Variants in PRKG1 observed in about 807,000 individuals in gnomAD.
PRKG1 encodes cGMP-dependent protein kinase 1.
PRKG1 carries 35 observed loss-of-function variants against 88.1 expected under a neutral mutation model. The observed-to-expected ratio is 0.40, with a 90% confidence interval of 0.30 to 0.53. The LOEUF (loss-of-function observed/expected upper bound fraction) is 0.53. PRKG1 is among the 20% of genes least tolerant of loss of function. The probability of loss-of-function intolerance (pLI) is 0.59; values close to 1 mark genes in which losing one functional copy is unlikely to be tolerated. For synonymous variants in PRKG1, 303 were observed against 292.5 expected, an observed-to-expected ratio of 1.04 and a Z score of -0.37; for missense variants, 540 against 839.8, an observed-to-expected ratio of 0.64 and a Z score of 4.41.
rs138104352 is a variant in PRKG1, at chr10:51,239,298, G to A, written c.478+85968G>A. Among the ~76,000 whole-genome samples the A allele has an allele frequency of 3.9e-4, 59 of 152,210 alleles. 1 individual carries two copies. In the East Asian group the frequency reaches 0.01, roughly 26 times the overall value. On this transcript the variant is annotated intron_variant, in intron 2 of 17. Coordinates refer to ENST00000373980, the MANE Select transcript of PRKG1 (RefSeq NM_006258.4). Reference sequence around the variant, plus strand: ...AATGCAGGAAAAGGCCAGATTTCACGATATTATTTTTTCTAAGAAAGTAAA... The same window carrying A: ...AATGCAGGAAAAGGCCAGATTTCACAATATTATTTTTTCTAAGAAAGTAAA...
intron 3 of PRKG1, among the ~76,000 whole-genome samples, chr10:51,561,866 T>C (rs964662347): frequency 4.6e-5 from 7 of 151,796 alleles, no homozygotes; most frequent in Non-Finnish European, 7.4e-5. Context: ...TTTTGCAAAT[T>C]AGGTTTTTTT....
intron 2 of PRKG1, among the ~76,000 whole-genome samples, chr10:51,404,816 C>T (rs1837860330): frequency 6.6e-6 from 1 of 152,308 alleles, no homozygotes; most frequent in Non-Finnish European, 1.5e-5. Context: ...ATCTCTCCTG[C>T]CCTTTCATTC....
intron 3 of PRKG1, among the ~76,000 whole-genome samples, chr10:51,709,057 T>A (rs1440631241): frequency 6.6e-6 from 1 of 152,222 alleles, no homozygotes; most frequent in Non-Finnish European, 1.5e-5. Flanking sequence ...AGAAAGTTTG[T>A]CCACAACCTT....
At chr10:51,238,047 A>G (rs1839043962) in intron 2 of PRKG1, among the ~76,000 whole-genome samples, 1 of 152,236 alleles carries the variant, frequency 6.6e-6, no homozygotes, top group Admixed American at 6.5e-5. Flanking sequence ...GTAGACAATT[A>G]CATATTCTTC....
intron 2 of PRKG1, among the ~76,000 whole-genome samples, chr10:51,241,621 A>G (rs1314592532): frequency 2.0e-5 from 3 of 152,290 alleles, no homozygotes; most frequent in Middle Eastern, 3.4e-3. Context: ...ACCCAAACCT[A>G]TAAAGTGACA....
chr10:52,185,931 C>T (rs1006489611), intron 9 of PRKG1, among the ~76,000 whole-genome samples: 1 of 152,144 alleles, frequency 6.6e-6, no homozygotes, highest in African/African-American at 2.4e-5. Flanking sequence ...GGGGCTGGCC[C>T]CTGAAACTAT....
At chr10:51,066,391 G>A (rs559263106) in intron 1 of PRKG1, among the ~76,000 whole-genome samples, 1 of 152,212 alleles carries the variant, frequency 6.6e-6, no homozygotes, top group Non-Finnish European at 1.5e-5. Flanking sequence ...ATTGGCTGTG[G>A]CCACAGGCTG....
At chr10:51,852,056 GA>G (rs775527421) in intron 4 of PRKG1, among the ~76,000 whole-genome samples, 3 of 151,042 alleles carry the variant, frequency 2.0e-5, no homozygotes, top group African/African-American at 7.3e-5. Flanking sequence ...ACATGTTGGA[GA>G]AAAAAACAAT....
chr10:52,068,190 G>A lies in PRKG1; in HGVS notation c.935+5559G>A, dbSNP rs1470058541. On this transcript the variant is annotated intron_variant, in intron 7 of 17. Coordinates refer to ENST00000373980, the MANE Select transcript of PRKG1 (RefSeq NM_006258.4). Reference sequence around the variant, plus strand: ...TGCACTCCAGCCTGGGCGACAGAGCGAAACTCCGTCTCAAAAAAAAAAAAA... The same window carrying A: ...TGCACTCCAGCCTGGGCGACAGAGCAAAACTCCGTCTCAAAAAAAAAAAAA... Among the ~76,000 whole-genome samples the A allele has an allele frequency of 1.7e-4, 11 of 65,750 alleles. 2 individuals are homozygous for A. The highest frequency in any genetic ancestry group is 2.5e-4 in the Non-Finnish European group (8 of 32,318). 43.1% of individuals were successfully genotyped at this position (65,750 alleles called of 152,430 possible). A position where few individuals can be genotyped will look rare whatever the true frequency, so the allele number is the denominator to read the frequency against.
At chr10:51,293,503 C>G (rs547340496) in intron 2 of PRKG1, among the ~76,000 whole-genome samples, 2 of 150,360 alleles carry the variant, frequency 1.3e-5, no homozygotes, top group Admixed American at 1.3e-4. Context: ...GCTTATTTCA[C>G]TTAACTTAAT....
intron 2 of PRKG1, among the ~76,000 whole-genome samples, chr10:51,420,843 T>C (rs1274206426): frequency 6.6e-6 from 1 of 152,094 alleles, no homozygotes. Flanking sequence ...CCAATCATGG[T>C]AGAAGCTGAA....
intron 2 of PRKG1, among the ~76,000 whole-genome samples, chr10:51,293,032 C>G (rs1026066969): frequency 2.0e-5 from 3 of 152,084 alleles, no homozygotes; most frequent in African/African-American, 4.8e-5. Flanking sequence ...CATATTTGCT[C>G]TTACTTCTTT....
intron 2 of PRKG1, among the ~76,000 whole-genome samples, chr10:51,259,678 G>A (rs1264177588): frequency 6.6e-6 from 1 of 152,256 alleles, no homozygotes; most frequent in East Asian, 1.9e-4. Flanking sequence ...GTTTCACCAT[G>A]TTGGCCAGGC....
At chr10:51,040,494 A>G (rs1589119341) in intron 1 of PRKG1, among the ~76,000 whole-genome samples, 1 of 149,296 alleles carries the variant, frequency 6.7e-6, no homozygotes, top group South Asian at 2.1e-4. Context: ...ATTTTTTTGT[A>G]TTTCTAGTAG....
At chr10:51,723,068 T>C (rs1842051098) in intron 3 of PRKG1, among the ~76,000 whole-genome samples, 1 of 152,226 alleles carries the variant, frequency 6.6e-6, no homozygotes, top group Non-Finnish European at 1.5e-5. Context: ...GAGAAAATTA[T>C]GTTAACCTGT....
intron 8 of PRKG1, among the ~76,000 whole-genome samples, chr10:52,135,058 A>T (rs1433997175): frequency 6.6e-6 from 1 of 152,152 alleles, no homozygotes; most frequent in African/African-American, 2.4e-5. Flanking sequence ...TGGTTTTAAG[A>T]GTTAGCGTCT....
At chr10:51,589,771 C>T (rs992134518) in intron 3 of PRKG1, among the ~76,000 whole-genome samples, 2 of 152,062 alleles carry the variant, frequency 1.3e-5, no homozygotes, top group African/African-American at 4.8e-5. Flanking sequence ...GTAAGAAAGT[C>T]GAAAAATCAA....
At chr10:51,629,351 T>C in intron 3 of PRKG1, among the ~76,000 whole-genome samples, 1 of 152,080 alleles carries the variant, frequency 6.6e-6, no homozygotes, top group Non-Finnish European at 1.5e-5. Flanking sequence ...TACACTTCAT[T>C]TATATTATTA....
chr10:51,781,780 C>T (rs975510024), intron 3 of PRKG1, among the ~76,000 whole-genome samples: 2 of 152,022 alleles, frequency 1.3e-5, no homozygotes, highest in African/African-American at 4.8e-5. Flanking sequence ...CTTGAGAAAT[C>T]CAGAGGGAGT....
Sources: gnomAD v4.1 joint callset for allele counts (sites outside exome capture counted in the v4.1 genomes callset) on GRCh38, gnomAD v4.1.1 for gene constraint, MANE v1.5 for transcripts, NCBI Gene and HGNC (gene_info 2026-07-23, HGNC 2026-07-21) for gene names.